C1QTNF3: variants seen among roughly 807,000 people sequenced by gnomAD.
C1QTNF3 encodes C1q and TNF related 3.
A neutral mutation model predicts 32.6 loss-of-function variants in C1QTNF3; 26 were observed. The ratio of observed to expected loss-of-function variants is 0.80; its 90% CI spans 0.58 to 1.11. The LOEUF is 1.11. C1QTNF3 is among the 50% of genes least tolerant of loss of function. The pLI, the probability that C1QTNF3 is intolerant of heterozygous loss-of-function variation, is 0.00. For missense variants in C1QTNF3, 362 were observed against 398.2 expected (o/e 0.91, Z 0.77); for synonymous variants, 155 against 146.0 (o/e 1.06, Z -0.44).
chr5:34,048,388 A>C, the C1QTNF3 span, among the ~76,000 whole-genome samples: 1 of 151,698 alleles, frequency 6.6e-6, no homozygotes, highest in Non-Finnish European at 1.5e-5. Flanking sequence ...CAAACAGAGA[A>C]ACAGAAACCA....
chr5:34,067,569 T>G, the C1QTNF3 span, among the ~76,000 whole-genome samples: 1 of 152,164 alleles, frequency 6.6e-6, no homozygotes, highest in South Asian at 2.1e-4. Context: ...TCAGATCTCA[T>G]GAGACTTATT....
At chr5:34,064,083 C>G in the C1QTNF3 span, among the ~76,000 whole-genome samples, 5 of 152,090 alleles carry the variant, frequency 3.3e-5, no homozygotes, top group South Asian at 2.1e-4. Context: ...GACCAATGCT[C>G]GCAACCCAGA....
the C1QTNF3 span, among the ~76,000 whole-genome samples, chr5:34,072,970 G>A: frequency 3.5e-3 from 533 of 152,222 alleles, 5 homozygotes; most frequent in African/African-American, 0.012. Flanking sequence ...GATTCCAGTT[G>A]GTGATGGCTT....
the C1QTNF3 span, among the ~76,000 whole-genome samples, chr5:34,236,563 CTT>C: frequency 2.2e-5 from 1 of 45,308 alleles, no homozygotes; most frequent in Non-Finnish European, 6.3e-5. Flanking sequence ...TTTCTTTTTT[CTT>C]TTTTCTTTTT....
chr5:34,137,753 T>C, the C1QTNF3 span, among the ~76,000 whole-genome samples: 2 of 152,238 alleles, frequency 1.3e-5, no homozygotes, highest in East Asian at 1.9e-4. Flanking sequence ...TTTACATTTG[T>C]ATAAACATAG....
chr5:34,124,563 C>T, the C1QTNF3 span: 4 of 646,108 alleles, frequency 6.2e-6, no homozygotes, highest in African/African-American at 5.5e-5. Context: ...AATTCACTCA[C>T]TATCACAAGA....
At chr5:34,175,162 G>C in the C1QTNF3 span, among the ~76,000 whole-genome samples, 286 of 150,634 alleles carry the variant, frequency 1.9e-3, 4 homozygotes, top group East Asian at 0.012. Flanking sequence ...GCCTGCCTCA[G>C]CCTCCCAAGC....
the C1QTNF3 span, among the ~76,000 whole-genome samples, chr5:34,076,117 T>C: frequency 1.3e-5 from 2 of 151,556 alleles, no homozygotes; most frequent in Non-Finnish European, 2.9e-5. Flanking sequence ...AGTGACCGTA[T>C]GCAGTAGAGA....
chr5:34,130,992 CA>C, the C1QTNF3 span, among the ~76,000 whole-genome samples: 1 of 152,192 alleles, frequency 6.6e-6, no homozygotes, highest in Non-Finnish European at 1.5e-5. Context: ...TTTAAATATG[CA>C]AACATACACT....
At position 34,035,722 on chromosome 5, in the gene C1QTNF3, T is replaced by A. The variant is rs1487686653; in HGVS notation, c.340A>T (p.Lys114Ter). Residue 114 changes from lysine (K) to a stop codon, truncating the protein, a stop_gained, in exon 2 of 6, where the codon AAG (lysine) becomes TAG (stop). Coordinates refer to ENST00000382065, the MANE Select transcript of C1QTNF3 (RefSeq NM_181435.6). LOFTEE classifies it high-confidence loss of function. ...QTGGLPPDCS[K>*]CCHGDYSFRG... ...AAGCTGTAGTCTCCATGACAACACT[T>A]ACTGCAGTCTGGGGGTAGTCCTCCG... 14 of 1,612,610 alleles carry A rather than the reference T, an allele frequency of 8.7e-6. No homozygotes were observed. Among genetic ancestry groups the A allele is most frequent in the Non-Finnish European group, 1.2e-5 (14 of 1,179,732 alleles).
At chr5:34,093,637 G>A in the C1QTNF3 span, among the ~76,000 whole-genome samples, 81 of 128,016 alleles carry the variant, frequency 6.3e-4, 2 homozygotes, top group East Asian at 0.013. Flanking sequence ...GAACAAGATT[G>A]AGAACCTGTC....
At chr5:34,029,176 T>G (rs1317234823) in intron 3 of C1QTNF3, among the ~76,000 whole-genome samples, 1 of 152,232 alleles carries the variant, frequency 6.6e-6, no homozygotes, top group Non-Finnish European at 1.5e-5. Flanking sequence ...AAATTTTATA[T>G]GAAATTTTCC....
chr5:34,238,096 C>A, the C1QTNF3 span, among the ~76,000 whole-genome samples: 2 of 152,184 alleles, frequency 1.3e-5, no homozygotes, highest in Admixed American at 1.3e-4. Flanking sequence ...TGGACAGAGA[C>A]AGCCCTGACC....
chr5:34,026,113 A>G (rs1486455671), intron 4 of C1QTNF3, among the ~76,000 whole-genome samples: 1 of 152,190 alleles, frequency 6.6e-6, no homozygotes, highest in African/African-American at 2.4e-5. Context: ...AACAAAAACC[A>G]AATAAATATC....
chr5:34,236,849 T>A, the C1QTNF3 span, among the ~76,000 whole-genome samples: 1 of 152,068 alleles, frequency 6.6e-6, no homozygotes, highest in Non-Finnish European at 1.5e-5. Context: ...GTGCTGGGAT[T>A]ACAGGCATGA....
the C1QTNF3 span, among the ~76,000 whole-genome samples, chr5:34,170,752 T>G: frequency 7.9e-5 from 12 of 152,310 alleles, no homozygotes; most frequent in African/African-American, 2.6e-4. Flanking sequence ...TTAAATTCAG[T>G]ACACAAGAAT....
intron 5 of C1QTNF3, among the ~76,000 whole-genome samples, chr5:34,021,612 G>T (rs1161062653): frequency 1.3e-5 from 2 of 152,174 alleles, no homozygotes; most frequent in Non-Finnish European, 2.9e-5. Context: ...CCTTTGCAGG[G>T]ACATGCATGA....
chr5:34,073,196 G>A, the C1QTNF3 span, among the ~76,000 whole-genome samples: 2 of 151,996 alleles, frequency 1.3e-5, no homozygotes, highest in South Asian at 2.1e-4. Flanking sequence ...GTGTGGTGGT[G>A]GGCGCCTGTA....
the C1QTNF3 span, among the ~76,000 whole-genome samples, chr5:34,213,696 A>ATATATGTG: frequency 1.6e-5 from 2 of 127,056 alleles, no homozygotes; most frequent in African/African-American, 6.2e-5. Flanking sequence ...GTGTGTGTGT[A>ATATATGTG]TATATATATG....
Sources: gnomAD v4.1 joint callset for allele counts (sites outside exome capture counted in the v4.1 genomes callset) on GRCh38, gnomAD v4.1.1 for gene constraint, MANE v1.5 for transcripts, NCBI Gene and HGNC (gene_info 2026-07-23, HGNC 2026-07-21) for gene names.